RPS6KA2: variants seen among roughly 807,000 people sequenced by gnomAD.
RPS6KA2 encodes ribosomal protein S6 kinase A2, also known as ribosomal protein S6 kinase alpha-2.
Under a neutral mutation model 91.8 loss-of-function variants are expected in RPS6KA2, and 42 were observed. The observed-to-expected ratio is 0.46, with a 90% CI of 0.36 to 0.59. The LOEUF (loss-of-function observed/expected upper bound fraction) is 0.59, where lower values mean the gene tolerates loss of function less well. Among genes scored for constraint, RPS6KA2 ranks in the 20% least tolerant of loss-of-function variants. The pLI, the probability that RPS6KA2 is intolerant of heterozygous loss-of-function variation, is 0.00. For synonymous variants in RPS6KA2, 414 were observed against 393.6 expected (o/e 1.05, Z -0.61); for missense variants, 798 against 978.5 (o/e 0.82, Z 2.46).
chr6:166,607,436 T>C (rs1277328769), intron 1 of RPS6KA2, among the ~76,000 whole-genome samples: 2 of 152,168 alleles, frequency 1.3e-5, no homozygotes, highest in Non-Finnish European at 2.9e-5. Context: ...ATCCATGCAG[T>C]GGAATATTAC....
At chr6:166,647,575 G>A (rs1165303788) in intron 2 of RPS6KA2, among the ~76,000 whole-genome samples, 1 of 152,182 alleles carries the variant, frequency 6.6e-6, no homozygotes, top group South Asian at 2.1e-4. Flanking sequence ...CTACATGCCC[G>A]TTCCACCTCT....
intron 2 of RPS6KA2, among the ~76,000 whole-genome samples, chr6:166,836,609 C>T (rs1206544509): frequency 6.6e-6 from 1 of 152,162 alleles, no homozygotes; most frequent in Non-Finnish European, 1.5e-5. Flanking sequence ...GCTTTCCCCT[C>T]TGTGCTAAAA....
At chr6:166,663,982 G>A (rs191057414) in intron 2 of RPS6KA2, among the ~76,000 whole-genome samples, 100 of 152,286 alleles carry the variant, frequency 6.6e-4, no homozygotes, top group Non-Finnish European at 1.1e-3. Context: ...TGTAAAGCAG[G>A]GCCACCTCTA....
Position 166,508,453 on chromosome 6 carries a change from G to A in RPS6KA2, c.380-171C>T, listed in dbSNP as rs1376052409. On this transcript the variant is annotated intron_variant, in intron 4 of 20. Coordinates refer to ENST00000265678, the MANE Select transcript of RPS6KA2 (RefSeq NM_021135.6). The surrounding 1 kb of genome is among the most constrained non-coding windows in gnomAD (Gnocchi z 4.3). ...TCAGAGGGGCAGCACCCGGCAGAGGGGGTCTGACACTGTGAGCGCTGCCCC... is the reference window on the plus strand; with the variant it reads ...TCAGAGGGGCAGCACCCGGCAGAGGAGGTCTGACACTGTGAGCGCTGCCCC... Among the ~76,000 whole-genome samples, 2 of 139,834 alleles carry A rather than the reference G, an allele frequency of 1.4e-5. No homozygotes were observed. The highest frequency in any genetic ancestry group is 1.5e-4 in the Admixed American group (2 of 13,498). The allele number at this position is 139,834 out of a possible 152,430, so 91.7% of individuals were successfully genotyped here. A position where few individuals can be genotyped will look rare whatever the true frequency, so the allele number is the denominator to read the frequency against.
intron 1 of RPS6KA2, among the ~76,000 whole-genome samples, chr6:166,549,464 T>C (rs1783930270): frequency 6.6e-6 from 1 of 152,216 alleles, no homozygotes; most frequent in Non-Finnish European, 1.5e-5. Flanking sequence ...TGGAATACTA[T>C]ACACAAATGC....
chr6:166,640,132 T>A (rs1405352245), intron 2 of RPS6KA2, among the ~76,000 whole-genome samples: 1 of 151,812 alleles, frequency 6.6e-6, no homozygotes, highest in African/African-American at 2.4e-5. Flanking sequence ...TATACATAAA[T>A]TATAGAGGAA....
At chr6:166,536,515 C>T (rs1440773548) in intron 2 of RPS6KA2, among the ~76,000 whole-genome samples, 1 of 152,234 alleles carries the variant, frequency 6.6e-6, no homozygotes, top group Non-Finnish European at 1.5e-5. Flanking sequence ...ATCTGTGACT[C>T]TCTAGTGACG....
intron 2 of RPS6KA2, among the ~76,000 whole-genome samples, chr6:166,818,196 C>T (rs1260808079): frequency 6.6e-6 from 1 of 152,006 alleles, no homozygotes; most frequent in Non-Finnish European, 1.5e-5. Context: ...TTGAAATTAT[C>T]TCCAAAAATG....
intron 11 of RPS6KA2, among the ~76,000 whole-genome samples, chr6:166,466,198 T>A (rs528848131): frequency 8.9e-4 from 136 of 152,354 alleles, no homozygotes; most frequent in Middle Eastern, 6.8e-3. Context: ...TTGTGTTTGC[T>A]TTCCAGCCAC....
intron 2 of RPS6KA2, among the ~76,000 whole-genome samples, chr6:166,831,756 A>G (rs1434620089): frequency 1.3e-5 from 2 of 150,888 alleles, no homozygotes; most frequent in East Asian, 3.9e-4. Flanking sequence ...CATACACACA[A>G]TAACAGAATT....
At chr6:166,446,490 T>C (rs1053494410) in intron 14 of RPS6KA2, among the ~76,000 whole-genome samples, 1 of 152,238 alleles carries the variant, frequency 6.6e-6, no homozygotes, top group Non-Finnish European at 1.5e-5. Flanking sequence ...GACCGGGCTC[T>C]TTCTTCTACC....
rs147686783 is a variant in RPS6KA2, at chr6:166,713,526, T to A, written c.123+144674A>T. On this transcript the variant is annotated intron_variant, in intron 2 of 21. Transcript: ENST00000503859. Reference sequence around the variant, plus strand: ...CTTTTAAAGGACCAGTGCGTAGATATCTGGGTCACAGCCCTGGGGAGAAAT... The same window carrying A: ...CTTTTAAAGGACCAGTGCGTAGATAACTGGGTCACAGCCCTGGGGAGAAAT... Among the ~76,000 whole-genome samples, 5 of 152,306 alleles carry A rather than the reference T, an allele frequency of 3.3e-5. No individual in the cohort carries two copies. The East Asian group carries it at 9.7e-4, about 29-fold the overall frequency.
Position 166,732,589 on chromosome 6 carries a change from C to A in RPS6KA2, c.123+125611G>T, listed in dbSNP as rs920259177. The stretch of plus-strand genomic sequence containing the variant: ...CACTCCAAGTCCATTCAACAGCCAT[C>A]CACTGCATCCAGACTGTTGAATCTT... On this transcript the variant is annotated intron_variant, in intron 2 of 21. Transcript: ENST00000503859. The surrounding 1 kb of genome is among the most constrained non-coding windows in gnomAD (Gnocchi z 4.0). Among the ~76,000 whole-genome samples, 1 of 152,252 alleles carries A rather than the reference C, an allele frequency of 6.6e-6. No individual in the cohort carries two copies. The highest frequency in any genetic ancestry group is 1.5e-5 in the Non-Finnish European group (1 of 68,050).
chr6:166,461,165 A>C (rs535071401), intron 11 of RPS6KA2, among the ~76,000 whole-genome samples: 1 of 152,292 alleles, frequency 6.6e-6, no homozygotes, highest in East Asian at 1.9e-4. Flanking sequence ...TCGGAGGAGA[A>C]ACAGGATTGA....
rs1471438368 is a variant in RPS6KA2, at chr6:166,648,390, T to C, written c.124-109606A>G. ...TGTTTTTCTGAGGGCCTGGAGAACA[T>C]TGTGCACGCCTCCATCTTACCATAT... On this transcript the variant is annotated intron_variant, in intron 2 of 21. Transcript: ENST00000503859. The surrounding 1 kb of genome is among the most constrained non-coding windows in gnomAD (Gnocchi z 4.8). Among the ~76,000 whole-genome samples, 3 of 152,220 alleles carry C rather than the reference T, an allele frequency of 2.0e-5. No homozygotes were observed. The highest frequency in any genetic ancestry group is 2.0e-4 in the Admixed American group (3 of 15,282).
In RPS6KA2 at chr6:166,701,770, A is replaced by AT. The variant is rs113893559; in HGVS notation, c.123+156429dup. 5.3e-4 allele frequency: 576 copies of AT among 1,090,816 alleles called. 1 individual carries two copies. The African/African-American group carries it at 7.9e-3, about 15-fold the overall frequency. The allele number at this position is 1,090,816 out of a possible 1,614,324, so 67.6% of individuals were successfully genotyped here. A position where few individuals can be genotyped will look rare whatever the true frequency, so the allele number is the denominator to read the frequency against. On this transcript the variant is annotated intron_variant, in intron 2 of 21. Transcript: ENST00000503859. ...TGCTTGAAATCATAGAAGTGATATC[A>AT]TTTTCCTAACGCTCCCTGATTTTCT...
At chr6:166,604,636 G>A (rs185068265) in intron 1 of RPS6KA2, among the ~76,000 whole-genome samples, 38 of 152,322 alleles carry the variant, frequency 2.5e-4, no homozygotes, top group Non-Finnish European at 3.2e-4. Flanking sequence ...TCATGGGCTT[G>A]CTGTAAGAAG....
intron 3 of RPS6KA2, among the ~76,000 whole-genome samples, chr6:166,517,767 G>A (rs191484605): frequency 3.1e-4 from 47 of 152,220 alleles, no homozygotes; most frequent in African/African-American, 1.1e-3. Context: ...GAGCCACCGC[G>A]CCCGGCCCAC....
At chr6:166,506,969 C>T (rs1057195166) in intron 5 of RPS6KA2, among the ~76,000 whole-genome samples, 3 of 152,098 alleles carry the variant, frequency 2.0e-5, no homozygotes, top group East Asian at 1.9e-4. Context: ...ATCAGGGCCA[C>T]GGGGCTCTCA....
Sources: gnomAD v4.1 joint callset for allele counts (sites outside exome capture counted in the v4.1 genomes callset) on GRCh38, gnomAD v4.1.1 for gene constraint, Gnocchi (gnomAD v3.1) non-coding constraint, MANE v1.5 for transcripts, NCBI Gene and HGNC (gene_info 2026-07-23, HGNC 2026-07-21) for gene names.